Variants in LDHC observed in about 807,000 individuals in gnomAD.
LDHC encodes lactate dehydrogenase C, also known as L-lactate dehydrogenase C chain.
Under a neutral mutation model 30.2 loss-of-function variants are expected in LDHC, and 20 were observed. The ratio of observed to expected loss-of-function variants is 0.66; its 90% CI spans 0.47 to 0.96. LDHC has a LOEUF of 0.96. LDHC is among the 40% of genes least tolerant of loss of function. The pLI, the probability that LDHC is intolerant of heterozygous loss-of-function variation, is 0.00. For missense variants in LDHC, 362 were observed against 394.9 expected, an observed-to-expected ratio of 0.92 and a Z score of 0.71; for synonymous variants, 139 against 132.7, an observed-to-expected ratio of 1.05 and a Z score of -0.32.
intron 3 of LDHC, among the ~76,000 whole-genome samples, chr11:18,427,544 G>A (rs563878563): frequency 3.0e-4 from 45 of 152,132 alleles, no homozygotes; most frequent in South Asian, 2.9e-3. Flanking sequence ...GTAGTTTATG[G>A]TCTCTTTGTG....
At chr11:18,434,696 A>G (rs775816219) in intron 4 of LDHC, 44 bp from the exon 5 acceptor site, 1 of 1,308,086 alleles carries the variant, frequency 7.6e-7, no homozygotes, top group African/African-American at 1.5e-5. Flanking sequence ...AAATTTTTTT[A>G]AGTTATGATG....
intron 3 of LDHC, among the ~76,000 whole-genome samples, chr11:18,417,527 G>C (rs1867045009): frequency 6.6e-6 from 1 of 152,084 alleles, no homozygotes; most frequent in Non-Finnish European, 1.5e-5. Context: ...CTGTGTAGCT[G>C]GGACTATAGG....
intron 6 of LDHC, among the ~76,000 whole-genome samples, chr11:18,445,989 T>C (rs989677611): frequency 3.3e-5 from 5 of 152,002 alleles, no homozygotes; most frequent in African/African-American, 1.2e-4. Context: ...AAAATAATAA[T>C]AATAATCAAT....
At chr11:18,431,941 G>A (rs891435198) in intron 4 of LDHC, among the ~76,000 whole-genome samples, 3 of 152,144 alleles carry the variant, frequency 2.0e-5, no homozygotes, top group African/African-American at 7.2e-5. Context: ...TTTATCTTTT[G>A]TATTTTTTTG....
At chr11:18,440,957 A>G (rs573169289) in intron 6 of LDHC, among the ~76,000 whole-genome samples, 6 of 151,664 alleles carry the variant, frequency 4.0e-5, no homozygotes, top group Non-Finnish European at 7.4e-5. Context: ...TAAATAAATA[A>G]AATAAAATAA....
chr11:18,450,645 G>A, intron 7 of LDHC: 1 of 218,324 alleles, frequency 4.6e-6, no homozygotes, highest in Non-Finnish European at 8.9e-6. Context: ...TACTCCTTTT[G>A]ATAAAATGGC....
In LDHC at chr11:18,450,993, C is replaced by G; in HGVS notation, c.865C>G (p.Leu289Val). The G allele has an allele frequency of 6.3e-7, 1 of 1,590,294 alleles. No homozygotes were observed. The highest frequency in any genetic ancestry group is 8.5e-7 in the Non-Finnish European group (1 of 1,172,572). ...ATATGGAATAAAAGAAGAACTCTTT[C>G]TCAGTATCCCTTGTGTCTTGGGGCG... ...GLYGIKEELF[L>V]SIPCVLGRNG... is the part of the protein sequence containing the mutation. The change falls in exon 8 of 8, where the codon CTC becomes GTC. Residue 289 changes from leucine to valine, a missense_variant. Leu to Val is a conservative substitution (Grantham distance 32). Coordinates refer to ENST00000541669, the MANE Select transcript of LDHC (RefSeq NM_017448.5).
chr11:18,415,432 A>C, intron 3 of LDHC, 131 bp downstream of exon 3: 1 of 572,476 alleles, frequency 1.7e-6, no homozygotes, highest in Non-Finnish European at 3.0e-6. Flanking sequence ...AATTTAGTTG[A>C]TCAATTTTTT....
intron 2 of LDHC, among the ~76,000 whole-genome samples, 197 bp downstream of exon 2, chr11:18,413,040 T>A (rs556423636): frequency 5.2e-4 from 79 of 151,154 alleles, no homozygotes; most frequent in African/African-American, 1.7e-3. Context: ...CCTTTTTTTT[T>A]AAACTTCTTC....
chr11:18,422,103 C>T (rs889680494), intron 3 of LDHC, among the ~76,000 whole-genome samples: 8 of 151,190 alleles, frequency 5.3e-5, no homozygotes, highest in African/African-American at 1.5e-4. Flanking sequence ...CCAGCCTAAG[C>T]GATGGAGCAA....
At chr11:18,442,660 C>CTTTTTTTTT (rs34884188) in intron 6 of LDHC, among the ~76,000 whole-genome samples, 2 of 112,626 alleles carry the variant, frequency 1.8e-5, no homozygotes, top group African/African-American at 3.3e-5. Context: ...TTCTCTCTCT[C>CTTTTTTTTT]TTTTTTTTTT....
At chr11:18,418,646 C>T (rs893983774) in intron 3 of LDHC, among the ~76,000 whole-genome samples, 2 of 151,828 alleles carry the variant, frequency 1.3e-5, no homozygotes, top group Admixed American at 6.6e-5. Context: ...AGGCTGGTCT[C>T]GAATGCCTGA....
At chr11:18,448,775 C>G (rs763576394) in intron 7 of LDHC, among the ~76,000 whole-genome samples, 43 of 142,102 alleles carry the variant, frequency 3.0e-4, no homozygotes, top group Non-Finnish European at 1.1e-4. Context: ...ATAGGGAATT[C>G]TCTTTAAACA....
chr11:18,417,591 G>A (rs1240858131), intron 3 of LDHC, among the ~76,000 whole-genome samples: 2 of 151,988 alleles, frequency 1.3e-5, no homozygotes, highest in Non-Finnish European at 2.9e-5. Context: ...GTAGAGATGC[G>A]GTGTCACTCT....
intron 3 of LDHC, 57 bp downstream of exon 3, chr11:18,415,358 T>C: frequency 3.4e-6 from 3 of 872,772 alleles, no homozygotes; most frequent in Non-Finnish European, 5.6e-6. Context: ...TAATAAATTT[T>C]ACCAAACAGA....
intron 3 of LDHC, among the ~76,000 whole-genome samples, chr11:18,417,597 ACT>A (rs780288060): frequency 3.3e-5 from 5 of 151,916 alleles, no homozygotes; most frequent in Non-Finnish European, 7.4e-5. Flanking sequence ...ATGCGGTGTC[ACT>A]CTGTTGCTCA....
chr11:18,444,733 T>C (rs1333449702), intron 6 of LDHC, among the ~76,000 whole-genome samples: 1 of 150,142 alleles, frequency 6.7e-6, no homozygotes, highest in Non-Finnish European at 1.5e-5. Flanking sequence ...ATATGAATGA[T>C]ATATGCTGGA....
rs763771113 is a variant in LDHC, at chr11:18,412,849, T to C, written c.126+6T>C. 23 of 1,611,456 alleles carry C rather than the reference T, an allele frequency of 1.4e-5. No homozygotes were observed. The highest frequency in any genetic ancestry group is 1.9e-5 in the Non-Finnish European group (22 of 1,178,818). The stretch of plus-strand genomic sequence containing the variant: ...CTATTAGTATCTTACTGAAGGTGAG[T>C]GAGAAGCCCATCCTGTGGCTGAAAA... On this transcript the variant is annotated splice_donor_region_variant and intron_variant, in intron 2 of 7. Transcript: ENST00000541669.
chr11:18,450,624 G>C (rs907380701), intron 7 of LDHC: 2 of 194,208 alleles, frequency 1.0e-5, no homozygotes, highest in African/African-American at 4.8e-5. Flanking sequence ...CAAGTTACTT[G>C]ATTCTCATAG....
Sources: allele counts gnomAD v4.1 joint callset (sites outside exome capture counted in the v4.1 genomes callset), GRCh38; gene constraint gnomAD v4.1.1; transcripts MANE v1.5; gene names NCBI Gene and HGNC (gene_info 2026-07-23, HGNC 2026-07-21).